The following DLG1 variants were observed in gnomAD, a reference collection of about 807,000 sequenced individuals.
DLG1 encodes the protein discs large MAGUK scaffold protein 1, also known as disks large homolog 1.
A neutral mutation model predicts 123.4 loss-of-function variants in DLG1; 42 were observed. The ratio of observed to expected loss-of-function variants is 0.34; its 90% CI spans 0.27 to 0.44. The LOEUF (loss-of-function observed/expected upper bound fraction) is 0.44. Ranked by LOEUF, DLG1 falls within the 20% of genes least tolerant of loss-of-function variation. The probability of loss-of-function intolerance (pLI) is 1.00; values close to 1 mark genes in which losing one functional copy is unlikely to be tolerated. For synonymous variants in DLG1, 317 were observed against 356.2 expected (o/e 0.89, Z 1.24); for missense variants, 942 against 1,082.6 (o/e 0.87, Z 1.82).
intron 4 of DLG1, among the ~76,000 whole-genome samples, chr3:197,273,848 C>A (rs1253330422): frequency 8.2e-4 from 3 of 3,678 alleles, no homozygotes; most frequent in Non-Finnish European, 1.2e-3. Flanking sequence ...ATAATAGCTA[C>A]CAAAAAAAAA....
At chr3:197,283,888 G>C (rs1349193826) in intron 3 of DLG1, among the ~76,000 whole-genome samples, 1 of 129,824 alleles carries the variant, frequency 7.7e-6, no homozygotes, top group Non-Finnish European at 1.6e-5. Context: ...TTGAGACAGA[G>C]TCTCGCTCTG....
At chr3:197,175,052 G>A (rs1806264727) in intron 5 of DLG1, among the ~76,000 whole-genome samples, 1 of 152,194 alleles carries the variant, frequency 6.6e-6, no homozygotes, top group Non-Finnish European at 1.5e-5. Flanking sequence ...GAAGTGAGGA[G>A]GGAAAATCTT....
chr3:197,100,951 C>A (rs935523739), intron 14 of DLG1, among the ~76,000 whole-genome samples: 3 of 152,106 alleles, frequency 2.0e-5, no homozygotes, highest in East Asian at 1.9e-4. Context: ...AAGAAATGTA[C>A]GTTTTTCTAA....
At chr3:197,198,931 C>A (rs897852717) in intron 4 of DLG1, among the ~76,000 whole-genome samples, 2 of 152,152 alleles carry the variant, frequency 1.3e-5, no homozygotes, top group African/African-American at 4.8e-5. Flanking sequence ...AGAAATGATG[C>A]TAATGGATAT....
chr3:197,244,869 T>C (rs1008782370), intron 4 of DLG1, among the ~76,000 whole-genome samples: 2 of 152,104 alleles, frequency 1.3e-5, no homozygotes, highest in African/African-American at 4.8e-5. Context: ...AAAAAGCCTT[T>C]AGCTTTGAGG....
chr3:197,216,704 G>C (rs1304143397), intron 4 of DLG1, among the ~76,000 whole-genome samples: 2 of 152,168 alleles, frequency 1.3e-5, no homozygotes, highest in African/African-American at 4.8e-5. Flanking sequence ...AAACAGTTTA[G>C]GCACAGTAAG....
chr3:197,111,212 G>A (rs1467488353), intron 13 of DLG1, among the ~76,000 whole-genome samples: 1 of 152,150 alleles, frequency 6.6e-6, no homozygotes, highest in East Asian at 1.9e-4. Context: ...GACTAGCTGA[G>A]ACTTCCAGTT....
intron 14 of DLG1, among the ~76,000 whole-genome samples, chr3:197,094,475 A>T (rs1400510832): frequency 2.6e-5 from 4 of 152,342 alleles, no homozygotes; most frequent in Non-Finnish European, 4.4e-5. Context: ...TGGATTGGAA[A>T]TACTATCCTT....
At chr3:197,179,868 C>G (rs1809196121) in intron 5 of DLG1, among the ~76,000 whole-genome samples, 1 of 152,122 alleles carries the variant, frequency 6.6e-6, no homozygotes, top group African/African-American at 2.4e-5. Context: ...CACACAGGCA[C>G]TTGAACAATG....
chr3:197,074,342 C>A (rs1745914153), intron 18 of DLG1, among the ~76,000 whole-genome samples: 2 of 152,052 alleles, frequency 1.3e-5, no homozygotes. Flanking sequence ...TAATCAGTTA[C>A]CATTTTTCAT....
At chr3:197,167,470 G>GA (rs949209571) in intron 5 of DLG1, among the ~76,000 whole-genome samples, 2 of 152,104 alleles carry the variant, frequency 1.3e-5, no homozygotes, top group Non-Finnish European at 2.9e-5. Flanking sequence ...CCAGTAACGG[G>GA]AAAAATCAAA....
chr3:197,132,592 C>A (rs940482365), intron 10 of DLG1, among the ~76,000 whole-genome samples: 3 of 151,332 alleles, frequency 2.0e-5, no homozygotes, highest in Non-Finnish European at 4.4e-5. Flanking sequence ...ATAGCTGTGG[C>A]ATACTGCTGA....
At chr3:197,167,161 T>C (rs1235272460) in intron 5 of DLG1, among the ~76,000 whole-genome samples, 1 of 152,098 alleles carries the variant, frequency 6.6e-6, no homozygotes, top group Non-Finnish European at 1.5e-5. Flanking sequence ...TGGGAGCCCA[T>C]ACTGATATAA....
At chr3:197,161,906 TTG>T (rs1798934401) in intron 5 of DLG1, among the ~76,000 whole-genome samples, 2 of 152,294 alleles carry the variant, frequency 1.3e-5, no homozygotes, top group African/African-American at 4.8e-5. Flanking sequence ...TCTCTAGAAA[TTG>T]TTTTAGAAAG....
chr3:197,244,581 A>G (rs1234964636), intron 4 of DLG1, among the ~76,000 whole-genome samples: 1 of 152,034 alleles, frequency 6.6e-6, no homozygotes, highest in African/African-American at 2.4e-5. Flanking sequence ...AAAAGGCACT[A>G]TAAGAGGGTT....
At chr3:197,173,995 A>C (rs1805686395) in intron 5 of DLG1, among the ~76,000 whole-genome samples, 1 of 152,156 alleles carries the variant, frequency 6.6e-6, no homozygotes, top group African/African-American at 2.4e-5. Flanking sequence ...GGGCATAAGA[A>C]TCACTTGAAC....
intron 13 of DLG1, among the ~76,000 whole-genome samples, chr3:197,105,407 T>C (rs947466702): frequency 6.6e-6 from 1 of 152,182 alleles, no homozygotes; most frequent in African/African-American, 2.4e-5. Context: ...TCCTGCCACA[T>C]TCTCACGCCT....
intron 11 of DLG1, among the ~76,000 whole-genome samples, chr3:197,129,386 A>G (rs905515117): frequency 3.9e-5 from 6 of 152,098 alleles, no homozygotes; most frequent in Admixed American, 6.5e-5. Flanking sequence ...CACCTCTCTC[A>G]GCCTTTTCAG....
At chr3:197,262,634 C>T (rs1759906297) in intron 4 of DLG1, among the ~76,000 whole-genome samples, 1 of 152,150 alleles carries the variant, frequency 6.6e-6, no homozygotes, top group Non-Finnish European at 1.5e-5. Flanking sequence ...TGGGATCTGA[C>T]ACTATACTTC....
Sources: gnomAD v4.1 joint callset for allele counts (sites outside exome capture counted in the v4.1 genomes callset) on GRCh38, gnomAD v4.1.1 for gene constraint, MANE v1.5 for transcripts, NCBI Gene and HGNC (gene_info 2026-07-23, HGNC 2026-07-21) for gene names.